The following AASS variants were observed in gnomAD, a reference collection of about 807,000 sequenced individuals.
The protein encoded by AASS is alpha-aminoadipic semialdehyde synthase, mitochondrial.
A neutral mutation model predicts 105.4 loss-of-function variants in AASS; 86 were observed. That is an observed-to-expected ratio of 0.82 (90% CI 0.69 to 0.98). The LOEUF (loss-of-function observed/expected upper bound fraction) is 0.98, where lower values mean the gene tolerates loss of function less well. Ranked by LOEUF, AASS falls within the 50% of genes least tolerant of loss-of-function variation. The pLI, the probability that AASS is intolerant of heterozygous loss-of-function variation, is 0.00. For missense variants in AASS, 1,048 were observed against 1,143.2 expected, an observed-to-expected ratio of 0.92 and a Z score of 1.20; for synonymous variants, 381 against 394.8, an observed-to-expected ratio of 0.96 and a Z score of 0.41.
At chr7:122,083,885 A>G (rs1168055584) in intron 19 of AASS, among the ~76,000 whole-genome samples, 2 of 152,242 alleles carry the variant, frequency 1.3e-5, no homozygotes, top group South Asian at 2.1e-4. Context: ...AGGGTTACCA[A>G]TGGATTGCTG....
At position 122,115,175 on chromosome 7, in the gene AASS, T is replaced by C; in HGVS notation, c.942A>G (p.Gln314=). The C allele has an allele frequency of 6.2e-7, 1 of 1,614,164 alleles. No individual in the cohort carries two copies. The highest frequency in any genetic ancestry group is 8.5e-7 in the Non-Finnish European group (1 of 1,180,018). ...TCLINGIYWE[Q]NTPRLLTRQD... is the part of the protein sequence containing the mutation. Reference sequence around the variant, plus strand: ...GGCGGGTTAGGAGGCGAGGAGTGTTTTGTTCCCAGTAGATTCCATTAATTA... The same window carrying C: ...GGCGGGTTAGGAGGCGAGGAGTGTTCTGTTCCCAGTAGATTCCATTAATTA... Residue 314 remains glutamine, a synonymous_variant, in exon 9 of 24, where the codon CAA becomes CAG. Coordinates refer to ENST00000417368, the MANE Select transcript of AASS (RefSeq NM_005763.4).
At chr7:122,130,263 T>G (rs1282591302) in intron 2 of AASS, among the ~76,000 whole-genome samples, 1 of 151,846 alleles carries the variant, frequency 6.6e-6, no homozygotes, top group Non-Finnish European at 1.5e-5. Flanking sequence ...TACCTGAAAT[T>G]TAGAGAAATG....
intron 2 of AASS, among the ~76,000 whole-genome samples, chr7:122,130,978 T>C (rs937429864): frequency 7.4e-5 from 11 of 148,114 alleles, no homozygotes; most frequent in African/African-American, 2.7e-4. Context: ...CAGCCTTCTG[T>C]ATAAGAACAA....
At position 122,075,638 on chromosome 7, in the gene AASS, T is replaced by G. The variant is rs566862750; in HGVS notation, c.*851A>C. On this transcript the variant is annotated 3_prime_UTR_variant, in exon 24 of 24. Transcript: ENST00000417368. ...TTTGTTGAGGGTTTTTTATTTTTTA[T>G]TTTTTATTGTGAAAGGGTGTTGAAT... 1.3e-5 allele frequency: 2 copies of G among 152,328 alleles called. No individual in the cohort carries two copies. Among genetic ancestry groups the G allele is most frequent in the Non-Finnish European group, 2.9e-5 (2 of 68,038 alleles). 9.4% of individuals were successfully genotyped at this position (152,328 alleles called of 1,614,324 possible).
At chr7:122,139,573 A>G (rs546634770) in intron 1 of AASS, among the ~76,000 whole-genome samples, 65 of 152,180 alleles carry the variant, frequency 4.3e-4, no homozygotes, top group Non-Finnish European at 8.8e-4. Context: ...TGGATGTCAC[A>G]GTAAGTCTGT....
chr7:122,091,303 G>A (rs988531660), intron 18 of AASS, among the ~76,000 whole-genome samples: 1 of 152,118 alleles, frequency 6.6e-6, no homozygotes, highest in Non-Finnish European at 1.5e-5. Context: ...CCCATCCCCA[G>A]TCCAGCTGTG....
chr7:122,087,227 A>T (rs1441567222), intron 18 of AASS, among the ~76,000 whole-genome samples: 1 of 152,184 alleles, frequency 6.6e-6, no homozygotes, highest in African/African-American at 2.4e-5. Context: ...CTCATGCCTT[A>T]TTAGTAGATG....
Position 122,133,695 on chromosome 7 carries a change from C to A in AASS, c.32G>T (p.Arg11Met). Residue 11 changes from arginine to methionine, a missense_variant, in exon 2 of 24, where the codon AGG becomes ATG. Arg to Met is a moderately conservative substitution (Grantham distance 91). Transcript: ENST00000417368. Reference protein sequence around the residue: MLQVHRTGLGRLGVSLSKGLH... With the variant: MLQVHRTGLGMLGVSLSKGLH... The stretch of plus-strand genomic sequence containing the variant: ...ACCCTTGGAGAGGCTGACCCCCAGC[C>A]TGCCCAGTCCAGTCCTATGTACTTG... 6.2e-7 allele frequency: 1 copy of A among 1,614,158 alleles called. No individual in the cohort carries two copies. The highest frequency in any genetic ancestry group is 8.5e-7 in the Non-Finnish European group (1 of 1,180,046).
At chr7:122,132,057 G>T (rs1795941105) in intron 2 of AASS, among the ~76,000 whole-genome samples, 3 of 152,148 alleles carry the variant, frequency 2.0e-5, no homozygotes, top group Non-Finnish European at 4.4e-5. Context: ...TCCACACTTT[G>T]ATAAACAATT....
At chr7:122,124,791 A>G (rs1161600313) in intron 4 of AASS, among the ~76,000 whole-genome samples, 1 of 152,196 alleles carries the variant, frequency 6.6e-6, no homozygotes, top group Admixed American at 6.5e-5. Context: ...GAAAGGCCCT[A>G]GGAATCATAG....
intron 4 of AASS, among the ~76,000 whole-genome samples, chr7:122,125,777 C>G (rs1054085135): frequency 6.6e-5 from 7 of 106,644 alleles, no homozygotes; most frequent in Non-Finnish European, 1.3e-4. Context: ...ATAAATTTTG[C>G]TCCTAAGAGA....
chr7:122,106,088 A>G (rs918582192), intron 11 of AASS, among the ~76,000 whole-genome samples: 24 of 151,936 alleles, frequency 1.6e-4, no homozygotes, highest in Admixed American at 3.3e-4. Context: ...CTTTGCTGAA[A>G]TTGTTTATCA....
chr7:122,082,689 C>T (rs566280856), intron 19 of AASS: 24 of 546,734 alleles, frequency 4.4e-5, no homozygotes, highest in South Asian at 2.5e-4. Context: ...AACAAAAATG[C>T]GTCACCACTG....
At chr7:122,118,478 A>G (rs373222520) in intron 5 of AASS, 25 bp from the exon 6 acceptor site, 11 of 1,614,130 alleles carry the variant, frequency 6.8e-6, no homozygotes, top group Middle Eastern at 3.3e-4. Flanking sequence ...ACACAACTCA[A>G]GTTAGTCCAC....
chr7:122,098,616 G>A (rs1794281636), intron 14 of AASS, 40 bp from the exon 15 acceptor site: 1 of 1,591,862 alleles, frequency 6.3e-7, no homozygotes, highest in East Asian at 2.3e-5. Context: ...AGATATGTCA[G>A]AGTAAAATAT....
rs143141960 is a variant in AASS, at chr7:122,142,275, C to T, written c.-16+1886G>A. 1.1e-4 allele frequency among the ~76,000 whole-genome samples: 16 copies of T among 152,226 alleles called. No individual in the cohort carries two copies. The East Asian group carries it at 2.9e-3, about 28-fold the overall frequency. ...TAAAGTGCTGAGCATTGCTGTGTGTCATAAACAATAAATTTTAAGAAAAGA... is the reference window on the plus strand; with the variant it reads ...TAAAGTGCTGAGCATTGCTGTGTGTTATAAACAATAAATTTTAAGAAAAGA... On this transcript the variant is annotated intron_variant, in intron 1 of 23. Transcript: ENST00000417368.
At chr7:122,088,392 A>G (rs970190150) in intron 18 of AASS, among the ~76,000 whole-genome samples, 10 of 152,074 alleles carry the variant, frequency 6.6e-5, no homozygotes, top group Non-Finnish European at 1.5e-4. Context: ...ATTATCTTTA[A>G]TCCATGAAAC....
intron 12 of AASS, 50 bp downstream of exon 12, chr7:122,101,571 A>T: frequency 1.3e-6 from 2 of 1,532,032 alleles, no homozygotes; most frequent in Non-Finnish European, 9.0e-7. Flanking sequence ...GAGAGCAAAA[A>T]TGGTAGTAAA....
At chr7:122,122,624 T>C (rs1795490727) in intron 4 of AASS, among the ~76,000 whole-genome samples, 1 of 152,196 alleles carries the variant, frequency 6.6e-6, no homozygotes, top group Non-Finnish European at 1.5e-5. Context: ...ACAGAGATGC[T>C]GGTCAATGTG....
Sources: allele counts gnomAD v4.1 joint callset (sites outside exome capture counted in the v4.1 genomes callset), GRCh38; gene constraint gnomAD v4.1.1; transcripts MANE v1.5; gene names NCBI Gene and HGNC (gene_info 2026-07-23, HGNC 2026-07-21).